ZUP1: variants seen among roughly 807,000 people sequenced by gnomAD.
ZUP1 encodes the protein zinc finger-containing ubiquitin peptidase 1.
Under a neutral mutation model 68.1 loss-of-function variants are expected in ZUP1, and 55 were observed. The ratio of observed to expected loss-of-function variants is 0.81; its 90% CI spans 0.65 to 1.01. The LOEUF is 1.01. ZUP1 is among the 50% of genes least tolerant of loss of function. The probability of loss-of-function intolerance (pLI) is 0.00; values close to 1 mark genes in which losing one functional copy is unlikely to be tolerated. For missense variants in ZUP1, 684 were observed against 674.9 expected (o/e 1.01, Z -0.15); for synonymous variants, 223 against 221.5 (o/e 1.01, Z -0.06).
At chr6:116,637,040 T>C (rs541646156) in intron 9 of ZUP1, among the ~76,000 whole-genome samples, 4 of 152,310 alleles carry the variant, frequency 2.6e-5, no homozygotes, top group Non-Finnish European at 5.9e-5. Flanking sequence ...AAAAAAGTTA[T>C]ATTAAATTAG....
At chr6:116,650,178 T>A (rs4946187) in intron 7 of ZUP1, among the ~76,000 whole-genome samples, 4 of 151,898 alleles carry the variant, frequency 2.6e-5, no homozygotes, top group African/African-American at 9.7e-5. Flanking sequence ...ATCCTAGCAC[T>A]TCGGGAAGCC....
At chr6:116,638,879 C>T (rs1482136198) in intron 9 of ZUP1, among the ~76,000 whole-genome samples, 4 of 152,158 alleles carry the variant, frequency 2.6e-5, no homozygotes, top group Non-Finnish European at 4.4e-5. Flanking sequence ...TGAAGCAGGG[C>T]GAGGCATTGC....
chr6:116,640,919 T>A (rs989440022), intron 9 of ZUP1, among the ~76,000 whole-genome samples: 1 of 148,032 alleles, frequency 6.8e-6, no homozygotes, highest in African/African-American at 2.5e-5. Context: ...TCAAGACCCA[T>A]CAGTGTGCTG....
At chr6:116,657,662 AT>A (rs1475481230) in intron 4 of ZUP1, among the ~76,000 whole-genome samples, 1 of 152,264 alleles carries the variant, frequency 6.6e-6, no homozygotes, top group Non-Finnish European at 1.5e-5. Context: ...GTACATGCAC[AT>A]TAGTATATTA....
chr6:116,663,023 C>G (rs532460345), intron 2 of ZUP1, among the ~76,000 whole-genome samples: 2 of 152,166 alleles, frequency 1.3e-5, no homozygotes, highest in South Asian at 4.2e-4. Flanking sequence ...TAGTTCTATG[C>G]CTTCATTTCC....
chr6:116,654,773 T>A (rs1326752285), intron 5 of ZUP1, among the ~76,000 whole-genome samples: 1 of 152,028 alleles, frequency 6.6e-6, no homozygotes, highest in Non-Finnish European at 1.5e-5. Flanking sequence ...AACAGGTAAT[T>A]CGTTCAAGAG....
intron 2 of ZUP1, among the ~76,000 whole-genome samples, chr6:116,663,007 T>A (rs549577328): frequency 6.6e-6 from 1 of 152,222 alleles, no homozygotes; most frequent in African/African-American, 2.4e-5. Context: ...TCAATATCCA[T>A]AGAAATAGTT....
In ZUP1 at chr6:116,647,668, G is replaced by A. The variant is rs532471771; in HGVS notation, c.1317-58C>T. On this transcript the variant is annotated intron_variant, in intron 7 of 9. Transcript: ENST00000368576. The stretch of plus-strand genomic sequence containing the variant: ...GGCATTTTAAAATATTTTCATCGAT[G>A]GAGTTATCAAATACAACAAATTCTT... The A allele has an allele frequency of 1.4e-5, 18 of 1,327,354 alleles. No homozygotes were observed. In the African/African-American group the frequency reaches 2.5e-4, roughly 18 times the overall value. The allele number at this position is 1,327,354 out of a possible 1,614,324, so 82.2% of individuals were successfully genotyped here.
chr6:116,641,091 G>A (rs1084885), intron 9 of ZUP1, among the ~76,000 whole-genome samples: 80,967 of 143,528 alleles, frequency 0.56, 22,989 homozygotes, highest in South Asian at 0.63. Flanking sequence ...AGAGACAAAG[G>A]AGGCCATTAC....
intron 9 of ZUP1, among the ~76,000 whole-genome samples, chr6:116,639,155 A>T (rs1439225232): frequency 6.6e-6 from 1 of 152,254 alleles, no homozygotes; most frequent in Non-Finnish European, 1.5e-5. Context: ...GCCATTGCCC[A>T]GGCTCGCTTA....
Position 116,667,018 on chromosome 6 carries a change from C to T in ZUP1, c.175G>A (p.Glu59Lys). The T allele has an allele frequency of 1.2e-6, 2 of 1,613,436 alleles. No individual in the cohort carries two copies. Among genetic ancestry groups the T allele is most frequent in the South Asian group, 2.2e-5 (2 of 90,948 alleles). ...ETAHFEQNTL[E>K]RNFERINTVQ... is the part of the protein sequence containing the mutation. The stretch of plus-strand genomic sequence containing the variant: ...GTATTTATCCTCTCAAAGTTTCTTT[C>T]AAGTGTATTCTGCTCAAAATGAGCT... Residue 59 changes from glutamate to lysine, a missense_variant, in exon 2 of 10, where the codon GAA becomes AAA. Transcript: ENST00000368576.
intron 4 of ZUP1, 134 bp downstream of exon 4, chr6:116,658,669 A>G: frequency 1.4e-5 from 11 of 770,006 alleles, no homozygotes; most frequent in Non-Finnish European, 2.1e-5. Flanking sequence ...ATGAATATTT[A>G]TAAATGGTGT....
chr6:116,656,745 T>C lies in ZUP1; in HGVS notation c.900A>G (p.Arg300=). The C allele has an allele frequency of 6.2e-7, 1 of 1,612,814 alleles. No homozygotes were observed. The highest frequency in any genetic ancestry group is 8.5e-7 in the Non-Finnish European group (1 of 1,179,570). ...GRMPPSEFHR[R]KADMMESLAL... ...CTAATGATTCCATCATATCAGCTTT[T>C]CTCCTATGAAATTCAGATGGAGGCA... Residue 300 remains arginine, a synonymous_variant, in exon 5 of 10, where the codon AGA becomes AGG. Coordinates refer to ENST00000368576, the MANE Select transcript of ZUP1 (RefSeq NM_145062.3).
intron 9 of ZUP1, among the ~76,000 whole-genome samples, chr6:116,640,067 C>G (rs551736419): frequency 6.6e-6 from 1 of 151,960 alleles, no homozygotes; most frequent in African/African-American, 2.4e-5. Flanking sequence ...CCAATGTGAT[C>G]AGCTGGAAGA....
chr6:116,656,734 A>G lies in ZUP1; in HGVS notation c.911T>C (p.Met304Thr), dbSNP rs1323001135. ...PSEFHRRKAD[M>T]MESLALGFDD... ...AAAACCAAGAGCTAATGATTCCATC[A>G]TATCAGCTTTTCTCCTATGAAATTC... The change falls in exon 5 of 10, where the codon ATG (methionine) becomes ACG (threonine). Residue 304 changes from methionine (M) to threonine (T), a missense_variant. By Grantham distance (81) the Met-to-Thr change is moderately conservative. Coordinates refer to ENST00000368576, the MANE Select transcript of ZUP1 (RefSeq NM_145062.3). 5 of 1,612,642 alleles carry G rather than the reference A, an allele frequency of 3.1e-6. No individual in the cohort carries two copies. The Admixed American group carries it at 6.7e-5, about 22-fold the overall frequency.
intron 5 of ZUP1, among the ~76,000 whole-genome samples, chr6:116,653,256 T>G (rs529832316): frequency 2.0e-3 from 298 of 152,136 alleles, no homozygotes; most frequent in Non-Finnish European, 3.3e-3. Context: ...CCTATTTTTG[T>G]GTCCCCAAGG....
chr6:116,654,556 A>G (rs1032268431), intron 5 of ZUP1, among the ~76,000 whole-genome samples: 2 of 152,028 alleles, frequency 1.3e-5, no homozygotes, highest in African/African-American at 4.8e-5. Context: ...AATAATAAAT[A>G]GAAAGATTGA....
intron 9 of ZUP1, 125 bp downstream of exon 9, chr6:116,645,589 A>G: frequency 1.4e-6 from 1 of 738,046 alleles, no homozygotes; most frequent in Non-Finnish European, 2.0e-6. Context: ...TCTCCAAAAA[A>G]AAAAAAAAAA....
chr6:116,646,702 G>C (rs1432645478), intron 8 of ZUP1, among the ~76,000 whole-genome samples: 1 of 152,130 alleles, frequency 6.6e-6, no homozygotes. Flanking sequence ...AGCCTCCTGA[G>C]TAGCTAGGAC....
Sources: gnomAD v4.1 joint callset for allele counts (sites outside exome capture counted in the v4.1 genomes callset) on GRCh38, gnomAD v4.1.1 for gene constraint, MANE v1.5 for transcripts, NCBI Gene and HGNC (gene_info 2026-07-23, HGNC 2026-07-21) for gene names.